Variants in B3GALT1 observed in about 807,000 individuals in gnomAD.
B3GALT1 encodes beta-1,3-galactosyltransferase 1.
A neutral mutation model predicts 23.2 loss-of-function variants in B3GALT1; 10 were observed. The observed-to-expected ratio is 0.43, with a 90% CI of 0.27 to 0.73. B3GALT1 has a LOEUF of 0.73. Among genes scored for constraint, B3GALT1 ranks in the 30% least tolerant of loss-of-function variants. The pLI is 0.21. For synonymous variants in B3GALT1, 156 were observed against 141.5 expected, an observed-to-expected ratio of 1.10 and a Z score of -0.73; for missense variants, 299 against 405.4, an observed-to-expected ratio of 0.74 and a Z score of 2.25.
rs12615782 is a variant in B3GALT1 at position 167,312,875 on chromosome 2, C to G, written c.-511+19541C>G. The stretch of plus-strand genomic sequence containing the variant: ...AGGAAGAAATGTCATGGTACTGTTA[C>G]AATTTTTTAAATTATTCTGATAAAA... On this transcript the variant is annotated intron_variant, in intron 1 of 4. Transcript: ENST00000392690. 3.2e-3 allele frequency among the ~76,000 whole-genome samples: 480 copies of G among 152,064 alleles called. 20 individuals carry two copies. The East Asian group carries it at 0.065, about 20-fold the overall frequency.
At chr2:167,833,668 T>TATCTA (rs1417805962) in intron 4 of B3GALT1, among the ~76,000 whole-genome samples, 2 of 152,256 alleles carry the variant, frequency 1.3e-5, no homozygotes, top group Admixed American at 6.5e-5. Flanking sequence ...GTTACCTATC[T>TATCTA]ATCTAAACAT....
intron 2 of B3GALT1, among the ~76,000 whole-genome samples, chr2:167,611,939 A>C (rs1205599454): frequency 6.6e-6 from 1 of 152,080 alleles, no homozygotes; most frequent in Non-Finnish European, 1.5e-5. Context: ...TCTCCTATGG[A>C]AAATAATATC....
intron 2 of B3GALT1, among the ~76,000 whole-genome samples, chr2:167,616,835 A>C (rs948139797): frequency 5.3e-5 from 8 of 152,106 alleles, no homozygotes; most frequent in South Asian, 2.1e-4. Context: ...ATTCTTATAA[A>C]ATCAGAAAAA....
intron 4 of B3GALT1, among the ~76,000 whole-genome samples, chr2:167,840,312 T>C (rs1474136261): frequency 6.6e-6 from 1 of 151,844 alleles, no homozygotes; most frequent in African/African-American, 2.4e-5. Flanking sequence ...GAATCTACAA[T>C]GAACTCAAAC....
intron 2 of B3GALT1, among the ~76,000 whole-genome samples, chr2:167,537,130 A>G (rs1222794806): frequency 6.6e-6 from 1 of 152,160 alleles, no homozygotes; most frequent in African/African-American, 2.4e-5. Flanking sequence ...GAGGCCTCAC[A>G]ATCATGGCAG....
chr2:167,654,292 C>T (rs533653228), intron 3 of B3GALT1, among the ~76,000 whole-genome samples: 25 of 152,260 alleles, frequency 1.6e-4, no homozygotes, highest in Non-Finnish European at 2.8e-4. Context: ...AGTCTCTCAT[C>T]GGGTAGGACT....
rs535457157 is a variant in B3GALT1, at chr2:167,551,920, A to G, written c.-410+61643A>G. Among the ~76,000 whole-genome samples, 4 of 152,314 alleles carry G rather than the reference A, an allele frequency of 2.6e-5. No individual in the cohort carries two copies. The East Asian group carries it at 5.8e-4, about 22-fold the overall frequency. On this transcript the variant is annotated intron_variant, in intron 2 of 4. Transcript: ENST00000392690. ...GGAGTCCTCAGAGCTGGGTCCTTAC[A>G]TTATAACTTTGCTATTTCATTTGAA... is the stretch of plus-strand genomic sequence containing the variant.
intron 1 of B3GALT1, among the ~76,000 whole-genome samples, chr2:167,366,639 A>C (rs1697592142): frequency 6.6e-6 from 1 of 152,186 alleles, no homozygotes; most frequent in Non-Finnish European, 1.5e-5. Context: ...CACTAGTCTC[A>C]TTATTTTCTC....
At chr2:167,563,159 G>C (rs536378796) in intron 2 of B3GALT1, among the ~76,000 whole-genome samples, 1 of 151,666 alleles carries the variant, frequency 6.6e-6, no homozygotes, top group Non-Finnish European at 1.5e-5. Context: ...TCAGTGAGCC[G>C]CTGGGCACAC....
rs1690295965 is a variant in B3GALT1, at chr2:167,869,344, G to A, written c.305G>A (p.Gly102Glu). 1 of 1,614,000 alleles carries A rather than the reference G, an allele frequency of 6.2e-7. No homozygotes were observed. The highest frequency in any genetic ancestry group is 1.3e-5 in the African/African-American group (1 of 74,904). Reference sequence around the variant, plus strand: ...CGTCAGGCAATCAGAGAGACGTGGGGGGATGAGAACAACTTTAAGGGGATC... The same window carrying A: ...CGTCAGGCAATCAGAGAGACGTGGGAGGATGAGAACAACTTTAAGGGGATC... ...DARQAIRETW[G>E]DENNFKGIKI... Residue 102 changes from glycine to glutamate, a missense_variant, in exon 5 of 5, where the codon GGG becomes GAG. Physicochemically the swap from Gly to Glu is moderately conservative, Grantham distance 98 (BLOSUM62 -2). This residue lies in a region of B3GALT1 where 162 missense variants were observed against 184.1 expected (regional missense o/e 0.88). Coordinates refer to ENST00000392690, the MANE Select transcript of B3GALT1 (RefSeq NM_020981.4). This position sits in a 1 kb window ranked among gnomAD's most constrained non-coding sequence, Gnocchi z 6.4.
intron 4 of B3GALT1, among the ~76,000 whole-genome samples, chr2:167,837,736 AC>A (rs1689516468): frequency 6.8e-6 from 1 of 146,772 alleles, no homozygotes; most frequent in Non-Finnish European, 1.5e-5. Context: ...TTTTTTCAGC[AC>A]CACACCACAC....
chr2:167,430,380 C>T (rs1489475027), intron 1 of B3GALT1, among the ~76,000 whole-genome samples: 5 of 152,074 alleles, frequency 3.3e-5, no homozygotes, highest in Non-Finnish European at 7.4e-5. Context: ...ACATGGGAGC[C>T]CCTGAAGAAT....
At chr2:167,765,372 T>TTGG (rs1687961326) in intron 3 of B3GALT1, among the ~76,000 whole-genome samples, 1 of 152,174 alleles carries the variant, frequency 6.6e-6, no homozygotes, top group East Asian at 1.9e-4. Context: ...ACAAGAATCC[T>TTGG]CTTGTTCCAC....
chr2:167,647,888 G>C (rs567055954), intron 3 of B3GALT1, among the ~76,000 whole-genome samples: 2 of 152,066 alleles, frequency 1.3e-5, no homozygotes, highest in South Asian at 4.2e-4. Context: ...TGAAGAATGG[G>C]GTTTCCATCT....
At chr2:167,632,193 A>G (rs938050620) in intron 2 of B3GALT1, among the ~76,000 whole-genome samples, 1 of 152,036 alleles carries the variant, frequency 6.6e-6, no homozygotes, top group Non-Finnish European at 1.5e-5. Flanking sequence ...CTAGTCTATC[A>G]TTGATGGGCA....
intron 1 of B3GALT1, among the ~76,000 whole-genome samples, chr2:167,329,440 CTGA>C (rs1267221702): frequency 2.0e-5 from 3 of 152,150 alleles, no homozygotes; most frequent in African/African-American, 7.2e-5. Flanking sequence ...GTTACATGTG[CTGA>C]TAAGAAGAGT....
At chr2:167,318,156 G>A (rs533945186) in intron 1 of B3GALT1, among the ~76,000 whole-genome samples, 6 of 151,954 alleles carry the variant, frequency 3.9e-5, no homozygotes, top group East Asian at 3.9e-4. Flanking sequence ...AGGAAACCCC[G>A]TCTCTACTAA....
chr2:167,778,030 A>C (rs1407253658), intron 3 of B3GALT1, among the ~76,000 whole-genome samples: 1 of 152,118 alleles, frequency 6.6e-6, no homozygotes, highest in Non-Finnish European at 1.5e-5. Context: ...CCAAGTTGTC[A>C]ATAGTTCTAA....
At chr2:167,819,066 T>C (rs1393761620) in intron 4 of B3GALT1, among the ~76,000 whole-genome samples, 1 of 152,164 alleles carries the variant, frequency 6.6e-6, no homozygotes, top group Non-Finnish European at 1.5e-5. Flanking sequence ...GCCTTTATTC[T>C]GAAAGATACA....
Sources: allele counts gnomAD v4.1 joint callset (sites outside exome capture counted in the v4.1 genomes callset), GRCh38; gene constraint gnomAD v4.1.1; regional missense constraint gnomAD v4.1.1; non-coding constraint Gnocchi (gnomAD v3.1); transcripts MANE v1.5; gene names NCBI Gene and HGNC (gene_info 2026-07-23, HGNC 2026-07-21).